PRMT2: variants seen among roughly 807,000 people sequenced by gnomAD.
PRMT2 encodes the protein protein arginine methyltransferase 2.
In PRMT2, 26 loss-of-function variants were observed where a neutral mutation model predicts 57.6. The ratio of observed to expected loss-of-function variants is 0.45; its 90% CI spans 0.33 to 0.63. The LOEUF (loss-of-function observed/expected upper bound fraction) is 0.63, where lower values mean the gene tolerates loss of function less well. PRMT2 is among the 20% of genes least tolerant of loss of function. PRMT2 has a pLI of 0.02. For synonymous variants in PRMT2, 219 were observed against 220.0 expected (o/e 1.00, Z 0.04); for missense variants, 472 against 564.4 (o/e 0.84, Z 1.66).
In PRMT2 at chr21:46,663,541, C is replaced by A. The variant is rs2061661942; in HGVS notation, c.1256C>A (p.Pro419His). Residue 419 changes from proline to histidine, a missense_variant, in exon 11 of 12, where the codon CCC becomes CAC. Physicochemically the swap from Pro to His is moderately conservative, Grantham distance 77. Around this residue, in one of 2 missense-constraint regions of PRMT2, gnomAD observed 229 missense variants for 217.2 expected, o/e 1.05. Coordinates refer to ENST00000355680, the MANE Select transcript of PRMT2 (RefSeq NM_206962.4). ...LSWAVTSRQD[P>H]TSQKVGEKVF... ...TGGGCTGTCACTTCCAGACAAGACC[C>A]CACATCTCAAAAAGTAAGATACGTA... is the stretch of plus-strand genomic sequence containing the variant. 6.2e-7 allele frequency: 1 copy of A among 1,613,614 alleles called. No individual in the cohort carries two copies. Among genetic ancestry groups the A allele is most frequent in the Non-Finnish European group, 8.5e-7 (1 of 1,179,690 alleles).
intron 7 of PRMT2, among the ~76,000 whole-genome samples, chr21:46,650,533 T>G (rs2061433518): frequency 6.6e-6 from 1 of 152,210 alleles, no homozygotes; most frequent in South Asian, 2.1e-4. Flanking sequence ...ATGCTGTGAC[T>G]TGGCTTATTA....
chr21:46,660,549 A>AG (rs1281322242), intron 8 of PRMT2, among the ~76,000 whole-genome samples: 1 of 152,222 alleles, frequency 6.6e-6, no homozygotes, highest in African/African-American at 2.4e-5. Context: ...CCCATGAATG[A>AG]GACCTCACAG....
At chr21:46,651,789 T>C in intron 7 of PRMT2, 1 of 1,612,730 alleles carries the variant, frequency 6.2e-7, no homozygotes. Context: ...GTACCCACCT[T>C]CACTTTCCGT....
At chr21:46,637,775 G>A (rs1018080806) in intron 3 of PRMT2, among the ~76,000 whole-genome samples, 23 of 126,966 alleles carry the variant, frequency 1.8e-4, no homozygotes, top group African/African-American at 2.7e-4. Flanking sequence ...ATACATATAT[G>A]TGTGTGTGTG....
At chr21:46,659,835 C>G in intron 8 of PRMT2, 1 of 985,324 alleles carries the variant, frequency 1.0e-6, no homozygotes. Flanking sequence ...TGCTGTGTGT[C>G]TGTTAAAAAA....
chr21:46,640,589 C>T (rs945782579), intron 3 of PRMT2, among the ~76,000 whole-genome samples: 1 of 151,902 alleles, frequency 6.6e-6, no homozygotes, highest in African/African-American at 2.4e-5. Context: ...CTACAGGTGA[C>T]CACCACCACG....
Position 46,658,808 on chromosome 21 carries a change from A to AT in PRMT2, c.721dup (p.Trp241LeufsTer15), listed in dbSNP as rs758099248. The AT allele has an allele frequency of 2.5e-6, 4 of 1,614,206 alleles. No homozygotes were observed. The highest frequency in any genetic ancestry group is 2.5e-6 in the Non-Finnish European group (3 of 1,180,032). On this transcript the variant is annotated frameshift_variant, in exon 8 of 12. Transcript: ENST00000355680. LOFTEE classifies it high-confidence loss of function. ...TGCCTGGCTGAAGGAGGACGGGGTCATTTGGCCCACCATGGCTGCGTTGCA... is the reference window on the plus strand; with the variant it reads ...TGCCTGGCTGAAGGAGGACGGGGTCATTTTGGCCCACCATGGCTGCGTTGCA...
intron 4 of PRMT2, 95 bp downstream of exon 4, chr21:46,643,734 A>G: frequency 7.1e-7 from 1 of 1,413,546 alleles, no homozygotes; most frequent in South Asian, 1.5e-5. Flanking sequence ...AGTTAAATGA[A>G]GAGGTATTCA....
chr21:46,639,042 C>G (rs2061223542), intron 3 of PRMT2, among the ~76,000 whole-genome samples: 1 of 152,150 alleles, frequency 6.6e-6, no homozygotes, highest in Non-Finnish European at 1.5e-5. Flanking sequence ...CTGTACCTCA[C>G]ATATTTAAAT....
At chr21:46,644,248 C>T (rs2061327043) in intron 4 of PRMT2, 58 bp from the exon 5 acceptor site, 3 of 1,526,312 alleles carry the variant, frequency 2.0e-6, no homozygotes, top group Non-Finnish European at 2.7e-6. Context: ...ATCACTGAGC[C>T]ACATTTGAAA....
intron 4 of PRMT2, 54 bp from the exon 5 acceptor site, chr21:46,644,252 T>A (rs750061142): frequency 5.8e-6 from 9 of 1,552,414 alleles, no homozygotes; most frequent in Non-Finnish European, 7.0e-6. Flanking sequence ...CTGAGCCACA[T>A]TTGAAATACC....
At chr21:46,662,217 C>T (rs2061639789) in intron 10 of PRMT2, among the ~76,000 whole-genome samples, 1 of 152,188 alleles carries the variant, frequency 6.6e-6, no homozygotes, top group South Asian at 2.1e-4. Flanking sequence ...CCCTGTCTTC[C>T]ACCCCGCGAG....
At chr21:46,654,204 G>T in intron 7 of PRMT2, 2 of 841,562 alleles carry the variant, frequency 2.4e-6, no homozygotes, top group South Asian at 5.4e-5. Context: ...TGGCAGCACC[G>T]TTTAAAATGG....
chr21:46,660,051 T>C (rs2061597486), intron 8 of PRMT2: 1 of 982,434 alleles, frequency 1.0e-6, no homozygotes, highest in African/African-American at 1.7e-5. Context: ...TACTTGTCCA[T>C]AGTTTCCAAT....
In PRMT2 at chr21:46,649,744, G is replaced by A. The variant is rs201228495; in HGVS notation, c.654+5G>A. 17 of 1,612,038 alleles carry A rather than the reference G, an allele frequency of 1.1e-5. No homozygotes were observed. The highest frequency in any genetic ancestry group is 8.5e-7 in the Non-Finnish European group (1 of 1,179,160). ...TGGATGGGGACCTGCCTGCTGGTGA[G>A]GGCGGGCGTGCGGGCAGCTGGGGGC... On this transcript the variant is annotated splice_donor_5th_base_variant and intron_variant, in intron 7 of 11. Transcript: ENST00000355680. The surrounding 1 kb of genome is among the most constrained non-coding windows in gnomAD (Gnocchi z 4.8).
At chr21:46,643,690 C>T (rs1025415639) in intron 4 of PRMT2, 51 bp downstream of exon 4, 1 of 1,537,126 alleles carries the variant, frequency 6.5e-7, no homozygotes, top group Admixed American at 2.2e-5. Context: ...TGTTCAGTGT[C>T]AAAAGGAGAT....
chr21:46,644,135 CA>C (rs1394529927), intron 4 of PRMT2, among the ~76,000 whole-genome samples, 170 bp from the exon 5 acceptor site: 54 of 152,264 alleles, frequency 3.5e-4, no homozygotes, highest in African/African-American at 1.3e-3. Flanking sequence ...GTTCCAGAGG[CA>C]TCGCTAAGTC....
intron 7 of PRMT2, chr21:46,652,700 A>G: frequency 8.8e-7 from 1 of 1,133,250 alleles, no homozygotes; most frequent in Non-Finnish European, 1.1e-6. Flanking sequence ...GAGCATTAAA[A>G]TTTTTTTGTT....
At position 46,658,898 on chromosome 21, in the gene PRMT2, G is replaced by A. The variant is rs772055556; in HGVS notation, c.808G>A (p.Glu270Lys). Residue 270 changes from glutamate (E) to lysine (K), a missense_variant, in exon 8 of 12, where the codon GAG becomes AAG. Around this residue, in one of 2 missense-constraint regions of PRMT2, gnomAD observed 229 missense variants for 217.2 expected, o/e 1.05. Coordinates refer to ENST00000355680, the MANE Select transcript of PRMT2 (RefSeq NM_206962.4). ...SKVLFWDNAY[E>K]FNLSALKSLA... ...GGTGCTCTTCTGGGACAACGCGTACGAGTTCAACCTCAGCGCTCTGAAGTA... is the reference window on the plus strand; with the variant it reads ...GGTGCTCTTCTGGGACAACGCGTACAAGTTCAACCTCAGCGCTCTGAAGTA... 1.3e-5 allele frequency: 21 copies of A among 1,614,088 alleles called. No homozygotes were observed. Among genetic ancestry groups the A allele is most frequent in the Non-Finnish European group, 1.7e-5 (20 of 1,179,968 alleles).
Sources: allele counts gnomAD v4.1 joint callset (sites outside exome capture counted in the v4.1 genomes callset), GRCh38; gene constraint gnomAD v4.1.1; regional missense constraint gnomAD v4.1.1; non-coding constraint Gnocchi (gnomAD v3.1); transcripts MANE v1.5; gene names NCBI Gene and HGNC (gene_info 2026-07-23, HGNC 2026-07-21).